NBEA: variants seen among roughly 807,000 people sequenced by gnomAD.
The protein encoded by NBEA is neurobeachin.
Under a neutral mutation model 343.4 loss-of-function variants are expected in NBEA, and 44 were observed. The observed-to-expected ratio is 0.13, with a 90% CI of 0.10 to 0.16. The LOEUF is 0.16. NBEA is among the 10% of genes least tolerant of loss of function. The probability of loss-of-function intolerance (pLI) is 1.00; values close to 1 mark genes in which losing one functional copy is unlikely to be tolerated. For synonymous variants in NBEA, 1,175 were observed against 1,238.7 expected (o/e 0.95, Z 1.08); for missense variants, 2,555 against 3,631.3 (o/e 0.70, Z 7.62).
intron 53 of NBEA, among the ~76,000 whole-genome samples, chr13:35,653,575 C>G (rs945753125): frequency 1.3e-5 from 2 of 152,154 alleles, no homozygotes; most frequent in Non-Finnish European, 2.9e-5. Context: ...AAGTGATCTG[C>G]CTGCCTGGCC....
At chr13:35,288,683 T>C (rs931759218) in intron 34 of NBEA, among the ~76,000 whole-genome samples, 2 of 151,958 alleles carry the variant, frequency 1.3e-5, no homozygotes, top group Non-Finnish European at 2.9e-5. Context: ...CAATTTCATG[T>C]TTTTCCAATT....
At chr13:35,642,601 G>A (rs1307239088) in intron 49 of NBEA, among the ~76,000 whole-genome samples, 2 of 152,204 alleles carry the variant, frequency 1.3e-5, no homozygotes, top group African/African-American at 4.8e-5. Flanking sequence ...ATAAGAACCA[G>A]ACAGGGAATA....
At chr13:35,484,238 G>A (rs1241518480) in intron 41 of NBEA, among the ~76,000 whole-genome samples, 2 of 25,516 alleles carry the variant, frequency 7.8e-5, no homozygotes, top group Non-Finnish European at 1.1e-4. Context: ...ATTAATATGT[G>A]TGTGTGTGTG....
chr13:35,652,830 G>A (rs1458055316), intron 53 of NBEA, among the ~76,000 whole-genome samples: 4 of 149,920 alleles, frequency 2.7e-5, no homozygotes, highest in Admixed American at 6.7e-5. Flanking sequence ...GAGTAGCTGG[G>A]ATTACAGGCG....
At chr13:35,381,736 T>G (rs528613352) in intron 38 of NBEA, among the ~76,000 whole-genome samples, 1 of 152,016 alleles carries the variant, frequency 6.6e-6, no homozygotes, top group Admixed American at 6.6e-5. Flanking sequence ...AAATATATCT[T>G]GAGAGGTCCT....
In NBEA at chr13:35,602,343, C is replaced by G. The variant is rs114072625; in HGVS notation, c.7297-4083C>G. The stretch of plus-strand genomic sequence containing the variant: ...GATTGTAAAACAATAAAACTGAGAC[C>G]AAAAAAAAATCTCACCTCTGCTGCT... On this transcript the variant is annotated intron_variant, in intron 47 of 58. Transcript: ENST00000379939. 3.7e-3 allele frequency among the ~76,000 whole-genome samples: 557 copies of G among 151,148 alleles called. 1 individual carries two copies. The highest frequency in any genetic ancestry group is 0.013 in the African/African-American group (527 of 41,338).
At chr13:35,177,364 A>G (rs1475476742) in intron 28 of NBEA, among the ~76,000 whole-genome samples, 3 of 151,854 alleles carry the variant, frequency 2.0e-5, no homozygotes, top group African/African-American at 7.2e-5. Flanking sequence ...GAAAAATTAT[A>G]ATTAACTTTA....
chr13:35,346,053 G>C (rs543805111), intron 36 of NBEA, among the ~76,000 whole-genome samples: 2 of 152,070 alleles, frequency 1.3e-5, no homozygotes, highest in South Asian at 2.1e-4. Context: ...CCCAAGATAG[G>C]GGAACAGACT....
intron 7 of NBEA, among the ~76,000 whole-genome samples, chr13:35,057,016 A>G (rs1335881960): frequency 6.6e-6 from 1 of 152,196 alleles, no homozygotes; most frequent in African/African-American, 2.4e-5. Context: ...TAGGTAGAGA[A>G]TAACTAGAAT....
chr13:35,255,903 T>C (rs886486225), intron 34 of NBEA, among the ~76,000 whole-genome samples: 3 of 152,318 alleles, frequency 2.0e-5, no homozygotes, highest in East Asian at 3.9e-4. Context: ...GTGAGCAAGG[T>C]GGAGAGGAGC....
At chr13:35,040,874 T>C in intron 1 of NBEA, 59 bp from the exon 2 acceptor site, 1 of 1,377,588 alleles carries the variant, frequency 7.3e-7, no homozygotes, top group Non-Finnish European at 1.0e-6. Context: ...ATTATTTCAT[T>C]CTACTGTCAT....
chr13:35,175,095 A>C (rs1034951215), intron 27 of NBEA, among the ~76,000 whole-genome samples: 1 of 152,054 alleles, frequency 6.6e-6, no homozygotes, highest in Non-Finnish European at 1.5e-5. Context: ...CGGCCACTTC[A>C]GAGTATTTAT....
chr13:35,543,767 G>T (rs1433438836), intron 41 of NBEA, among the ~76,000 whole-genome samples: 1 of 152,056 alleles, frequency 6.6e-6, no homozygotes, highest in Admixed American at 6.6e-5. Context: ...CCATTTCTTT[G>T]GTAGGGAAAT....
intron 38 of NBEA, among the ~76,000 whole-genome samples, chr13:35,365,890 C>CAA (rs1370258074): frequency 6.6e-6 from 1 of 151,508 alleles, no homozygotes; most frequent in Non-Finnish European, 1.5e-5. Context: ...TATGCACACT[C>CAA]AAATTGTATG....
At chr13:35,172,956 T>C (rs1190179876) in intron 26 of NBEA, among the ~76,000 whole-genome samples, 1 of 152,072 alleles carries the variant, frequency 6.6e-6, no homozygotes, top group Non-Finnish European at 1.5e-5. Context: ...CCCAGAGACT[T>C]TCCCACCATG....
chr13:35,667,971 TGG>T (rs1383850609), intron 57 of NBEA, among the ~76,000 whole-genome samples: 1 of 152,220 alleles, frequency 6.6e-6, no homozygotes, highest in Non-Finnish European at 1.5e-5. Flanking sequence ...TTATAATTGC[TGG>T]GTTGTCATTA....
At chr13:35,169,083 T>C in intron 25 of NBEA, 88 bp downstream of exon 25, 1 of 982,982 alleles carries the variant, frequency 1.0e-6, no homozygotes, top group Non-Finnish European at 1.5e-6. Context: ...GGTTATATTT[T>C]GAGTTTTCAT....
intron 51 of NBEA, 47 bp downstream of exon 51, chr13:35,646,395 C>G (rs1266444642): frequency 2.2e-6 from 3 of 1,339,304 alleles, no homozygotes; most frequent in Non-Finnish European, 3.2e-6. Context: ...TCCTTTTTAC[C>G]TGGGAATAGA....
chr13:35,128,238 TAA>T (rs562000555), intron 17 of NBEA, among the ~76,000 whole-genome samples: 1 of 132,674 alleles, frequency 7.5e-6, no homozygotes. Context: ...AGTATAATAA[TAA>T]AAAAAAAAAG....
Sources: gnomAD v4.1 joint callset for allele counts (sites outside exome capture counted in the v4.1 genomes callset) on GRCh38, gnomAD v4.1.1 for gene constraint, MANE v1.5 for transcripts, NCBI Gene and HGNC (gene_info 2026-07-23, HGNC 2026-07-21) for gene names.